TTC27: variants seen among roughly 807,000 people sequenced by gnomAD.
TTC27 encodes the protein tetratricopeptide repeat protein 27.
A neutral mutation model predicts 115.9 loss-of-function variants in TTC27; 79 were observed. The observed-to-expected ratio is 0.68, with a 90% confidence interval of 0.57 to 0.82. The LOEUF (loss-of-function observed/expected upper bound fraction) is 0.82. TTC27 is among the 40% of genes least tolerant of loss of function. The pLI is 0.00. For synonymous variants in TTC27, 401 were observed against 356.0 expected (o/e 1.13, Z -1.42); for missense variants, 1,054 against 993.1 (o/e 1.06, Z -0.82).
At chr2:32,727,218 T>G (rs1220528489) in intron 10 of TTC27, among the ~76,000 whole-genome samples, 1 of 152,174 alleles carries the variant, frequency 6.6e-6, no homozygotes, top group Non-Finnish European at 1.5e-5. Flanking sequence ...TGAGACAAGA[T>G]TTTTCTGATG....
chr2:32,732,166 T>C (rs1211333551), intron 10 of TTC27, among the ~76,000 whole-genome samples: 1 of 152,230 alleles, frequency 6.6e-6, no homozygotes, highest in Non-Finnish European at 1.5e-5. Flanking sequence ...TGTAACCATA[T>C]GTATGCAGCC....
chr2:32,667,635 C>T lies in TTC27; in HGVS notation c.939+867C>T, dbSNP rs1665836563. Among the ~76,000 whole-genome samples, 3 of 151,146 alleles carry T rather than the reference C, an allele frequency of 2.0e-5. No individual in the cohort carries two copies. The South Asian group carries it at 6.3e-4, about 32-fold the overall frequency. On this transcript the variant is annotated intron_variant, in intron 7 of 19. Transcript: ENST00000317907. The stretch of plus-strand genomic sequence containing the variant: ...TTCTCCATGTTGGTCAGGCTGGTCT[C>T]GAACTCGCAACCTCAGGTGATCCAC...
At chr2:32,793,555 C>T (rs1670605019) in intron 16 of TTC27, among the ~76,000 whole-genome samples, 1 of 152,202 alleles carries the variant, frequency 6.6e-6, no homozygotes, top group Non-Finnish European at 1.5e-5. Context: ...TGGAGTCTCG[C>T]TCTGTCACCC....
chr2:32,666,460 T>C (rs1174655731), intron 6 of TTC27, among the ~76,000 whole-genome samples, 175 bp from the exon 7 acceptor site: 1 of 152,094 alleles, frequency 6.6e-6, no homozygotes, highest in African/African-American at 2.4e-5. Flanking sequence ...CCAGAGCTTG[T>C]TGGCTTTCTA....
intron 12 of TTC27, among the ~76,000 whole-genome samples, chr2:32,737,666 T>C (rs1668491740): frequency 6.6e-6 from 1 of 152,126 alleles, no homozygotes; most frequent in Non-Finnish European, 1.5e-5. Context: ...CTTTGAATTG[T>C]ATTGACTTAA....
chr2:32,689,493 C>T (rs1666745255), intron 9 of TTC27, among the ~76,000 whole-genome samples: 1 of 152,046 alleles, frequency 6.6e-6, no homozygotes, highest in African/African-American at 2.4e-5. Context: ...AGAACAAATT[C>T]CCAATAGGAA....
At chr2:32,731,180 C>T (rs1357110464) in intron 10 of TTC27, among the ~76,000 whole-genome samples, 3 of 152,134 alleles carry the variant, frequency 2.0e-5, no homozygotes, top group East Asian at 1.9e-4. Context: ...CTGCAACCTC[C>T]GCCTCCTGGG....
At chr2:32,799,881 A>G (rs889380026) in intron 16 of TTC27, among the ~76,000 whole-genome samples, 15 of 152,192 alleles carry the variant, frequency 9.9e-5, no homozygotes, top group Non-Finnish European at 2.2e-4. Flanking sequence ...AAAGCTTGAA[A>G]CCAAAATAAA....
intron 16 of TTC27, among the ~76,000 whole-genome samples, chr2:32,798,250 C>CA (rs1253342427): frequency 2.0e-5 from 3 of 149,994 alleles, no homozygotes; most frequent in Non-Finnish European, 3.0e-5. Flanking sequence ...ACTAAAAATA[C>CA]AAAAAAATGA....
Position 32,744,988 on chromosome 2 carries a change from C to T in TTC27, c.1452+8172C>T, listed in dbSNP as rs570584962. ...CTTTGAGCCCGGGAGGTGGAGTTTG[C>T]AGTGGGCCAAGATCACGCCACTGCA... On this transcript the variant is annotated intron_variant, in intron 12 of 19. Transcript: ENST00000317907. 1.8e-4 allele frequency among the ~76,000 whole-genome samples: 23 copies of T among 130,102 alleles called. 1 individual carries two copies. In the South Asian group the frequency reaches 5.7e-3, roughly 32 times the overall value. 85.4% of individuals were successfully genotyped at this position (130,102 alleles called of 152,430 possible).
intron 5 of TTC27, among the ~76,000 whole-genome samples, chr2:32,651,573 C>T (rs545904675): frequency 9.2e-5 from 14 of 152,214 alleles, no homozygotes; most frequent in South Asian, 6.2e-4. Flanking sequence ...CTTGAACTCC[C>T]GACCTCAGGT....
At chr2:32,708,326 T>A (rs1007711119) in intron 10 of TTC27, among the ~76,000 whole-genome samples, 7 of 142,332 alleles carry the variant, frequency 4.9e-5, no homozygotes, top group African/African-American at 1.9e-4. Context: ...TTTTTTTTTT[T>A]AATGAGATGG....
intron 9 of TTC27, among the ~76,000 whole-genome samples, chr2:32,702,359 C>T (rs186886895): frequency 2.0e-5 from 3 of 151,982 alleles, no homozygotes; most frequent in Admixed American, 6.6e-5. Context: ...ACTAAGGAGT[C>T]AGTGTTTATC....
chr2:32,742,040 G>A (rs556988567), intron 12 of TTC27, among the ~76,000 whole-genome samples: 18 of 152,200 alleles, frequency 1.2e-4, no homozygotes, highest in Non-Finnish European at 2.6e-4. Flanking sequence ...GGCCTTATAT[G>A]TACTGCATTC....
intron 9 of TTC27, among the ~76,000 whole-genome samples, chr2:32,695,028 A>AT (rs1224083537): frequency 1.3e-5 from 2 of 152,064 alleles, no homozygotes; most frequent in East Asian, 3.9e-4. Context: ...TAAAATACAT[A>AT]TTTTTTTATA....
intron 14 of TTC27, among the ~76,000 whole-genome samples, chr2:32,778,736 T>G (rs1438126458): frequency 3.3e-5 from 5 of 152,240 alleles, no homozygotes. Context: ...ATTTATCCAT[T>G]CATGAGTTGG....
intron 9 of TTC27, among the ~76,000 whole-genome samples, chr2:32,701,522 T>C (rs1248378868): frequency 6.6e-6 from 1 of 152,160 alleles, no homozygotes; most frequent in East Asian, 1.9e-4. Flanking sequence ...CTGTTGGTGC[T>C]TCATTTTCCT....
intron 16 of TTC27, among the ~76,000 whole-genome samples, chr2:32,789,920 C>A (rs1358014015): frequency 2.5e-5 from 1 of 39,934 alleles, no homozygotes; most frequent in African/African-American, 1.1e-4. Context: ...GACCCTGTCT[C>A]CAAAAAAAAA....
At chr2:32,707,556 T>C (rs1667419070) in intron 10 of TTC27, among the ~76,000 whole-genome samples, 1 of 152,220 alleles carries the variant, frequency 6.6e-6, no homozygotes, top group South Asian at 2.1e-4. Context: ...TTTTGATCTT[T>C]TTGTTATAGC....
Sources: gnomAD v4.1 joint callset for allele counts (sites outside exome capture counted in the v4.1 genomes callset) on GRCh38, gnomAD v4.1.1 for gene constraint, MANE v1.5 for transcripts, NCBI Gene and HGNC (gene_info 2026-07-23, HGNC 2026-07-21) for gene names.